The following BRCA2 variants were observed in gnomAD, a reference collection of about 807,000 sequenced individuals.
The protein encoded by BRCA2 is breast cancer type 2 susceptibility protein.
In BRCA2, 203 loss-of-function variants were observed where a neutral mutation model predicts 276.7. That is an observed-to-expected ratio of 0.73 (90% CI 0.65 to 0.82). The LOEUF (loss-of-function observed/expected upper bound fraction) is 0.82, where lower values mean the gene tolerates loss of function less well. Among genes scored for constraint, BRCA2 ranks in the 40% least tolerant of loss-of-function variants. The pLI is 0.00. For missense variants in BRCA2, 3,920 were observed against 3,915.0 expected (o/e 1.00, Z -0.03); for synonymous variants, 1,289 against 1,338.4 (o/e 0.96, Z 0.81).
rs748215651 is a variant in BRCA2 at position 32,333,139 on chromosome 13, G to A, written c.1661G>A (p.Cys554Tyr). ...TVCSQKEDSL[C>Y]PNLIDNGSWP... ...TGCTCACAGAAGGAGGACTCCTTAT[G>A]TCCAAATTTAATTGATAATGGAAGC... The change falls in exon 10 of 27, where the codon TGT (cysteine) becomes TAT (tyrosine). Residue 554 changes from cysteine (C) to tyrosine (Y), a missense_variant. Physicochemically the swap from Cys to Tyr is radical, Grantham distance 194. Transcript: ENST00000380152. 2 of 1,614,124 alleles carry A rather than the reference G, an allele frequency of 1.2e-6. No homozygotes were observed. The highest frequency in any genetic ancestry group is 1.7e-6 in the Non-Finnish European group (2 of 1,180,016).
intron 18 of BRCA2, among the ~76,000 whole-genome samples, chr13:32,368,960 G>A (rs1270856754): frequency 3.3e-5 from 5 of 151,686 alleles, no homozygotes; most frequent in African/African-American, 1.2e-4. Context: ...ACAGGCGCCT[G>A]CCACCACCCC....
intron 26 of BRCA2, among the ~76,000 whole-genome samples, 190 bp downstream of exon 26, chr13:32,397,234 G>A (rs1024589676): frequency 2.0e-5 from 3 of 152,160 alleles, no homozygotes; most frequent in African/African-American, 7.2e-5. Context: ...AACTCTGGGT[G>A]CACACTTTCC....
chr13:32,373,933 G>A (rs1374800714), intron 20 of BRCA2, among the ~76,000 whole-genome samples: 1 of 152,214 alleles, frequency 6.6e-6, no homozygotes, highest in Non-Finnish European at 1.5e-5. Context: ...GGACATCCTG[G>A]CACTTCCATA....
At chr13:32,380,290 T>G in intron 24 of BRCA2, 145 bp downstream of exon 24, 1 of 766,794 alleles carries the variant, frequency 1.3e-6, no homozygotes, top group Non-Finnish European at 2.1e-6. Flanking sequence ...GAACCTCTGA[T>G]TTTTCATGAA....
At chr13:32,379,700 A>T (rs2137621486) in intron 22 of BRCA2, 50 bp from the exon 23 acceptor site, 5 of 1,575,644 alleles carry the variant, frequency 3.2e-6, no homozygotes, top group Non-Finnish European at 4.4e-6. Context: ...ACAAACATTT[A>T]AATGATAATC....
intron 11 of BRCA2, among the ~76,000 whole-genome samples, chr13:32,343,706 A>G (rs1460889119): frequency 7.1e-6 from 1 of 141,300 alleles, no homozygotes; most frequent in East Asian, 2.0e-4. Flanking sequence ...CTTTCCACCT[A>G]GGGAAAAAAA....
chr13:32,398,942 G>C lies in BRCA2; in HGVS notation c.*172G>C, dbSNP rs574944914. ...GGCAAAAATCGTTTTGCCCGATTCC[G>C]TATTGGTATACTTTTGCTTCAGTTG... is the stretch of plus-strand genomic sequence containing the variant. On this transcript the variant is annotated 3_prime_UTR_variant, in exon 27 of 27. Transcript: ENST00000380152. 4.0e-6 allele frequency: 3 copies of C among 744,782 alleles called. No homozygotes were observed. The highest frequency in any genetic ancestry group is 2.1e-5 in the South Asian group (1 of 48,670). 46.1% of individuals were successfully genotyped at this position (744,782 alleles called of 1,614,324 possible).
chr13:32,390,004 TC>T (rs1414043481), intron 24 of BRCA2, among the ~76,000 whole-genome samples: 17 of 152,244 alleles, frequency 1.1e-4, no homozygotes, highest in Non-Finnish European at 2.5e-4. Context: ...ATCTTCTGTT[TC>T]TTAATCACCA....
intron 13 of BRCA2, among the ~76,000 whole-genome samples, chr13:32,352,930 A>T (rs1265590981): frequency 6.6e-6 from 1 of 152,208 alleles, no homozygotes; most frequent in Non-Finnish European, 1.5e-5. Context: ...ATTTAAATAG[A>T]TATCTTGAGC....
rs397843915 is a variant in BRCA2, at chr13:32,328,875, A to AGTGT, written c.632-553_632-550dup. On this transcript the variant is annotated intron_variant, in intron 7 of 26. Transcript: ENST00000380152. ...TGCCCATGTGTGTGTGCAGTCATAA[A>AGTGT]GTGTGTGTGTGTGTGTGTATTTAAA... Among the ~76,000 whole-genome samples, 129 of 150,924 alleles carry AGTGT rather than the reference A, an allele frequency of 8.5e-4. 2 individuals carry two copies. The highest frequency in any genetic ancestry group is 1.3e-3 in the Non-Finnish European group (87 of 67,634).
At chr13:32,362,302 G>A (rs554854043) in intron 16 of BRCA2, among the ~76,000 whole-genome samples, 2 of 152,140 alleles carry the variant, frequency 1.3e-5, no homozygotes, top group Admixed American at 6.5e-5. Context: ...AATGCTGGGA[G>A]TATAGGCATG....
chr13:32,389,221 A>G (rs1354848619), intron 24 of BRCA2, among the ~76,000 whole-genome samples: 1 of 152,178 alleles, frequency 6.6e-6, no homozygotes, highest in Non-Finnish European at 1.5e-5. Flanking sequence ...GTGACCATAT[A>G]CAGACCTTTT....
chr13:32,360,930 G>A (rs566837923), intron 16 of BRCA2, among the ~76,000 whole-genome samples: 35 of 152,302 alleles, frequency 2.3e-4, no homozygotes, highest in African/African-American at 8.2e-4. Flanking sequence ...GCAGCTGGAA[G>A]GATAGAGTTG....
chr13:32,332,866 C>G lies in BRCA2; in HGVS notation c.1388C>G (p.Thr463Arg), dbSNP rs151011453. The G allele has an allele frequency of 6.2e-7, 1 of 1,611,826 alleles. No homozygotes were observed. The highest frequency in any genetic ancestry group is 8.5e-7 in the Non-Finnish European group (1 of 1,179,540). Residue 463 changes from threonine (T) to arginine (R), a missense_variant, in exon 10 of 27, where the codon ACA becomes AGA. By Grantham distance (71) the Thr-to-Arg change is moderately conservative. Transcript: ENST00000380152. ...PKSEKPLNEE[T>R]VVNKRDEEQH... ...TCAGAGAAGCCATTAAATGAGGAAA[C>G]AGTGGTAAATAAGAGAGATGAAGAG...
At chr13:32,351,112 C>T (rs972601033) in intron 13 of BRCA2, among the ~76,000 whole-genome samples, 1 of 152,220 alleles carries the variant, frequency 6.6e-6, no homozygotes, top group Non-Finnish European at 1.5e-5. Flanking sequence ...CCAGCCCCAG[C>T]AGCCGCTCGG....
Position 32,354,979 on chromosome 13 carries a change from G to A in BRCA2, c.7126G>A (p.Ala2376Thr), listed in dbSNP as rs730881552. 1.2e-6 allele frequency: 2 copies of A among 1,613,522 alleles called. No individual in the cohort carries two copies. The highest frequency in any genetic ancestry group is 1.7e-5 in the Admixed American group (1 of 59,998). The change falls in exon 14 of 27, where the codon GCA (alanine) becomes ACA (threonine). Residue 2376 changes from alanine (A) to threonine (T), a missense_variant. This residue lies in a region of BRCA2 where 3,263 missense variants were observed against 3,156.9 expected (regional missense o/e 1.03). Coordinates refer to ENST00000380152, the MANE Select transcript of BRCA2 (RefSeq NM_000059.4). The part of the protein sequence containing the change: ...LTLEKSSSNL[A>T]VSGHPFYQVS... Reference sequence around the variant, plus strand: ...TTTGGAAAAATCTTCAAGCAATTTAGCAGTTTCAGGACATCCATTTTATCA... The same window carrying A: ...TTTGGAAAAATCTTCAAGCAATTTAACAGTTTCAGGACATCCATTTTATCA...
At chr13:32,354,314 T>C (rs746185719) in intron 13 of BRCA2, among the ~76,000 whole-genome samples, 5 of 152,176 alleles carry the variant, frequency 3.3e-5, no homozygotes, top group Non-Finnish European at 5.9e-5. Flanking sequence ...TGAAGAAGGT[T>C]GACTGTGGAG....
intron 14 of BRCA2, among the ~76,000 whole-genome samples, chr13:32,355,846 C>T (rs1040717693): frequency 4.0e-5 from 6 of 151,838 alleles, no homozygotes; most frequent in African/African-American, 1.5e-4. Context: ...CGCCATTGCA[C>T]TCCAGCCTGG....
At chr13:32,381,154 A>G (rs904634412) in intron 24 of BRCA2, among the ~76,000 whole-genome samples, 2 of 152,180 alleles carry the variant, frequency 1.3e-5, no homozygotes, top group Non-Finnish European at 2.9e-5. Context: ...TAGAAGGTGG[A>G]TAACTTTTGT....
Sources: allele counts gnomAD v4.1 joint callset (sites outside exome capture counted in the v4.1 genomes callset), GRCh38; gene constraint gnomAD v4.1.1; regional missense constraint gnomAD v4.1.1; transcripts MANE v1.5; gene names NCBI Gene and HGNC (gene_info 2026-07-23, HGNC 2026-07-21).